RSRC1: variants seen among roughly 807,000 people sequenced by gnomAD.
The protein encoded by RSRC1 is arginine and serine rich coiled-coil 1.
A neutral mutation model predicts 49.1 loss-of-function variants in RSRC1; 39 were observed. That is an observed-to-expected ratio of 0.79 (90% CI 0.61 to 1.04). The LOEUF (loss-of-function observed/expected upper bound fraction) is 1.04. Ranked by LOEUF, RSRC1 falls within the 50% of genes least tolerant of loss-of-function variation. The pLI is 0.00. For missense variants in RSRC1, 388 were observed against 402.4 expected (o/e 0.96, Z 0.31); for synonymous variants, 143 against 130.8 (o/e 1.09, Z -0.63).
chr3:158,424,923 A>G (rs1285695827), intron 6 of RSRC1, among the ~76,000 whole-genome samples: 1 of 151,176 alleles, frequency 6.6e-6, no homozygotes, highest in East Asian at 1.9e-4. Flanking sequence ...ATCGGTGGTG[A>G]TATCCCCTTT....
At chr3:158,436,119 T>C (rs1182998118) in intron 6 of RSRC1, among the ~76,000 whole-genome samples, 1 of 152,034 alleles carries the variant, frequency 6.6e-6, no homozygotes, top group East Asian at 1.9e-4. Flanking sequence ...TAAACATTTA[T>C]CGAGGAGCTA....
intron 4 of RSRC1, among the ~76,000 whole-genome samples, chr3:158,215,671 G>T (rs1180547581): frequency 1.3e-5 from 2 of 151,270 alleles, no homozygotes; most frequent in African/African-American, 4.9e-5. Flanking sequence ...TTTTTTAGTG[G>T]TTGCCCTAGG....
intron 7 of RSRC1, among the ~76,000 whole-genome samples, chr3:158,486,951 G>A (rs142093281): frequency 2.7e-4 from 41 of 152,170 alleles, no homozygotes; most frequent in African/African-American, 8.7e-4. Context: ...ATCTTCCACC[G>A]CAGCATGTAA....
intron 1 of RSRC1, among the ~76,000 whole-genome samples, chr3:158,120,459 CATATT>C (rs1179922649): frequency 3.3e-5 from 5 of 150,802 alleles, no homozygotes; most frequent in Non-Finnish European, 4.4e-5. Flanking sequence ...AGTAATTTAA[CATATT>C]ATAAGTTGGC....
Position 158,180,804 on chromosome 3 carries a change from CT to C in RSRC1, c.321-22250del, listed in dbSNP as rs71144445. Among the ~76,000 whole-genome samples, 781 of 107,386 alleles carry C rather than the reference CT, an allele frequency of 7.3e-3. 2 individuals are homozygous for C. Among genetic ancestry groups the C allele is most frequent in the African/African-American group, 0.024 (650 of 27,468 alleles). The allele number at this position is 107,386 out of a possible 152,430, so 70.4% of individuals were successfully genotyped here. ...AGTCATAATTTGAAGGGATTATATG[CT>C]TTTTTTTTTTTTTTTTTGAGATGGA... On this transcript the variant is annotated intron_variant, in intron 3 of 9. Coordinates refer to ENST00000611884, the MANE Select transcript of RSRC1 (RefSeq NM_001271838.2).
rs1162293637 is a variant in RSRC1, at chr3:158,524,200, A to G, written c.653-12892A>G. Among the ~76,000 whole-genome samples the G allele has an allele frequency of 2.6e-5, 4 of 152,054 alleles. No individual in the cohort carries two copies. In the East Asian group the frequency reaches 7.7e-4, roughly 29 times the overall value. ...AAAGTTTGCTTAACTTTAATTTTTC[A>G]GTCAGAATTACATAAGCTAAACCAA... On this transcript the variant is annotated intron_variant, in intron 7 of 9. Transcript: ENST00000611884.
At chr3:158,121,737 T>A (rs555813371) in intron 1 of RSRC1, among the ~76,000 whole-genome samples, 66 of 152,328 alleles carry the variant, frequency 4.3e-4, no homozygotes, top group African/African-American at 1.5e-3. Context: ...TAACTTAAAA[T>A]ATCAGATAAT....
At chr3:158,265,530 C>T (rs1203560155) in intron 4 of RSRC1, among the ~76,000 whole-genome samples, 1 of 151,966 alleles carries the variant, frequency 6.6e-6, no homozygotes, top group Non-Finnish European at 1.5e-5. Flanking sequence ...ACTCAGGAAG[C>T]TGAGACAGGA....
rs74370959 is a variant in RSRC1 at position 158,116,037 on chromosome 3, G to T, written c.-3+5814G>T. Among the ~76,000 whole-genome samples the T allele has an allele frequency of 7.8e-4, 119 of 152,276 alleles. No individual in the cohort carries two copies. The East Asian group carries it at 0.021, about 27-fold the overall frequency. On this transcript the variant is annotated intron_variant, in intron 1 of 9. Transcript: ENST00000611884. ...GCCATTTGGAAAATATTGGCTCACT[G>T]AGTTAGGCATATCTTTCTAATGTTA...
At position 158,431,542 on chromosome 3, in the gene RSRC1, G is replaced by A. The variant is rs964027019; in HGVS notation, c.584-29393G>A. On this transcript the variant is annotated intron_variant, in intron 6 of 9. Coordinates refer to ENST00000611884, the MANE Select transcript of RSRC1 (RefSeq NM_001271838.2). ...ACACTGCTTATAATGAAGACGTGTA[G>A]TACTAAAAAAAGTGGTGGCAATGAA... 1.9e-4 allele frequency among the ~76,000 whole-genome samples: 29 copies of A among 151,768 alleles called. No homozygotes were observed. In the East Asian group the frequency reaches 5.5e-3, roughly 29 times the overall value.
chr3:158,270,256 A>G (rs1269540371), intron 4 of RSRC1, among the ~76,000 whole-genome samples: 1 of 152,176 alleles, frequency 6.6e-6, no homozygotes, highest in Non-Finnish European at 1.5e-5. Flanking sequence ...CAGGGATCTA[A>G]TAAGGGAAGG....
chr3:158,421,731 A>G (rs181695553), intron 6 of RSRC1, among the ~76,000 whole-genome samples: 4 of 152,026 alleles, frequency 2.6e-5, no homozygotes, highest in Non-Finnish European at 1.5e-5. Context: ...AGAAACCATC[A>G]TGTACAAACA....
rs181440378 is a variant in RSRC1, at chr3:158,304,175, T to C, written c.531+6100T>C. 9.8e-4 allele frequency among the ~76,000 whole-genome samples: 150 copies of C among 152,292 alleles called. 1 individual carries two copies. The highest frequency in any genetic ancestry group is 1.9e-3 in the Non-Finnish European group (126 of 68,006). Reference sequence around the variant, plus strand: ...AGTGTTGAAAAGCAACTGTCATTAATAGTTTGTTTAGCCCATCAGTGGTTT... The same window carrying C: ...AGTGTTGAAAAGCAACTGTCATTAACAGTTTGTTTAGCCCATCAGTGGTTT... On this transcript the variant is annotated intron_variant, in intron 5 of 9. Transcript: ENST00000611884.
At chr3:158,146,648 T>C (rs1368828601) in intron 3 of RSRC1, among the ~76,000 whole-genome samples, 3 of 152,194 alleles carry the variant, frequency 2.0e-5, no homozygotes, top group African/African-American at 4.8e-5. Flanking sequence ...CCTCATAAAA[T>C]GAGTTAGGCA....
Position 158,322,392 on chromosome 3 carries a change from T to TC in RSRC1, c.531+24323dup, listed in dbSNP as rs961671906. Among the ~76,000 whole-genome samples the TC allele has an allele frequency of 3.1e-4, 47 of 152,058 alleles. No homozygotes were observed. The South Asian group carries it at 4.8e-3, about 15-fold the overall frequency. On this transcript the variant is annotated intron_variant, in intron 5 of 9. Coordinates refer to ENST00000611884, the MANE Select transcript of RSRC1 (RefSeq NM_001271838.2). Reference sequence around the variant, plus strand: ...GATTACAGGTGTGAGCCACTGCCTGTCCCCCCAGCCCACCGCAAACTAAAT... The same window carrying TC: ...GATTACAGGTGTGAGCCACTGCCTGTCCCCCCCAGCCCACCGCAAACTAAAT...
At chr3:158,462,141 C>T (rs2108407088) in intron 7 of RSRC1, among the ~76,000 whole-genome samples, 1 of 151,798 alleles carries the variant, frequency 6.6e-6, no homozygotes, top group Admixed American at 6.6e-5. Flanking sequence ...ATGCTCTTTT[C>T]CGGGATCAAC....
In RSRC1 at chr3:158,402,444, T is replaced by C. The variant is rs138987233; in HGVS notation, c.583+47536T>C. 1.2e-4 allele frequency among the ~76,000 whole-genome samples: 18 copies of C among 151,982 alleles called. No homozygotes were observed. The East Asian group carries it at 3.1e-3, about 26-fold the overall frequency. The stretch of plus-strand genomic sequence containing the variant: ...TTCAAAAAGTTAAGGCAAGTATATC[T>C]TTAAAATTTTTCTTTAAATGGTTAT... On this transcript the variant is annotated intron_variant, in intron 6 of 9. Transcript: ENST00000611884.
intron 7 of RSRC1, among the ~76,000 whole-genome samples, chr3:158,504,111 G>A (rs542576362): frequency 1.3e-5 from 2 of 152,272 alleles, no homozygotes; most frequent in East Asian, 3.9e-4. Flanking sequence ...CTCCAGGTGA[G>A]GTCAGAAACT....
At chr3:158,518,122 G>GCA (rs1560073678) in intron 7 of RSRC1, among the ~76,000 whole-genome samples, 1,025 of 62,792 alleles carry the variant, frequency 0.016, 63 homozygotes, top group Admixed American at 0.04. Context: ...GTGTGTGTGT[G>GCA]TGTGTATATA....
Sources: gnomAD v4.1 joint callset for allele counts (sites outside exome capture counted in the v4.1 genomes callset) on GRCh38, gnomAD v4.1.1 for gene constraint, MANE v1.5 for transcripts, NCBI Gene and HGNC (gene_info 2026-07-23, HGNC 2026-07-21) for gene names.